Variants in UPF2 observed in about 807,000 individuals in gnomAD.
The protein encoded by UPF2 is UPF2 regulator of nonsense mediated mRNA decay, also known as regulator of nonsense transcripts 2.
UPF2 carries 17 observed loss-of-function variants against 141.4 expected under a neutral mutation model. The observed-to-expected ratio is 0.12, with a 90% CI of 0.08 to 0.18. UPF2 has a LOEUF of 0.18. Among genes scored for constraint, UPF2 ranks in the 10% least tolerant of loss-of-function variants. The pLI, the probability that UPF2 is intolerant of heterozygous loss-of-function variation, is 1.00. For missense variants in UPF2, 1,152 were observed against 1,515.9 expected (o/e 0.76, Z 3.99); for synonymous variants, 540 against 498.0 (o/e 1.08, Z -1.12).
Position 12,028,736 on chromosome 10 carries a change from G to GA in UPF2, c.1145+8dup, listed in dbSNP as rs763823069. The GA allele has an allele frequency of 3.2e-6, 5 of 1,559,466 alleles. No individual in the cohort carries two copies. Among genetic ancestry groups the GA allele is most frequent in the Non-Finnish European group, 4.3e-6 (5 of 1,157,134 alleles). ...AAATTCTCAACTCTGAGAAACATTTGAAAATCACCTGTTTTGTCTCTCAGT... is the reference window on the plus strand; with the variant it reads ...AAATTCTCAACTCTGAGAAACATTTGAAAAATCACCTGTTTTGTCTCTCAGT... On this transcript the variant is annotated intron_variant, in intron 3 of 21. Coordinates refer to ENST00000357604, the MANE Select transcript of UPF2 (RefSeq NM_015542.4).
chr10:11,979,128 T>C lies in UPF2; in HGVS notation c.1882A>G (p.Thr628Ala), dbSNP rs1441379108. Reference sequence around the variant, plus strand: ...ACATCAGACATGCAGGGATGCAATGTAGCAACCAATCTTGCATAAAATGGT... The same window carrying C: ...ACATCAGACATGCAGGGATGCAATGCAGCAACCAATCTTGCATAAAATGGT... Reference protein sequence around the residue: ...LLPFYARLVATLHPCMSDVAE... With the variant: ...LLPFYARLVAALHPCMSDVAE... Residue 628 changes from threonine (T) to alanine (A), a missense_variant, in exon 9 of 22, where the codon ACA becomes GCA. Thr to Ala is a moderately conservative substitution (Grantham distance 58). Transcript: ENST00000357604. This position sits in a 1 kb window ranked among gnomAD's most constrained non-coding sequence, Gnocchi z 6.2. The C allele has an allele frequency of 4.3e-6, 7 of 1,613,538 alleles. No homozygotes were observed. Among genetic ancestry groups the C allele is most frequent in the South Asian group, 3.3e-5 (3 of 90,978 alleles).
intron 16 of UPF2, among the ~76,000 whole-genome samples, chr10:11,943,896 C>T (rs562488059): frequency 2.0e-5 from 3 of 151,436 alleles, no homozygotes; most frequent in African/African-American, 7.3e-5. Flanking sequence ...GGCAGAGCAC[C>T]GAGAGATTTT....
In UPF2 at chr10:11,953,052, T is replaced by C. The variant is rs1023401677; in HGVS notation, c.2851-803A>G. ...CAACAAGCATTTATTGAATATCTAC[T>C]GTGTATATGGCATGGTGTGGATATT... On this transcript the variant is annotated intron_variant, in intron 14 of 21. Transcript: ENST00000357604. This position sits in a 1 kb window ranked among gnomAD's most constrained non-coding sequence, Gnocchi z 5.0. 1.3e-5 allele frequency among the ~76,000 whole-genome samples: 2 copies of C among 152,254 alleles called. No homozygotes were observed. Among genetic ancestry groups the C allele is most frequent in the Non-Finnish European group, 2.9e-5 (2 of 68,042 alleles).
chr10:12,006,247 C>T (rs1834033195), intron 4 of UPF2, among the ~76,000 whole-genome samples: 1 of 152,190 alleles, frequency 6.6e-6, no homozygotes, highest in Non-Finnish European at 1.5e-5. Context: ...AAAGATGAAG[C>T]GTACAGATCT....
chr10:12,033,881 C>T (rs983666511), intron 2 of UPF2, among the ~76,000 whole-genome samples: 1 of 152,074 alleles, frequency 6.6e-6, no homozygotes, highest in East Asian at 1.9e-4. Flanking sequence ...AGAGCTTATG[C>T]TATTCAACAG....
intron 9 of UPF2, among the ~76,000 whole-genome samples, chr10:11,975,761 C>T (rs1020201963): frequency 3.3e-5 from 5 of 152,118 alleles, no homozygotes; most frequent in African/African-American, 9.7e-5. Context: ...CGGTAATCCA[C>T]CCGCCTTGGC....
At chr10:11,978,515 C>G (rs966451710) in intron 9 of UPF2, among the ~76,000 whole-genome samples, 6 of 152,150 alleles carry the variant, frequency 3.9e-5, no homozygotes, top group Non-Finnish European at 8.8e-5. Flanking sequence ...GGGAAGCCAT[C>G]TGGTAACAGG....
intron 8 of UPF2, among the ~76,000 whole-genome samples, chr10:11,993,049 C>T (rs11257466): frequency 0.064 from 9,454 of 147,742 alleles, 550 homozygotes; most frequent in East Asian, 0.26. Flanking sequence ...ACATGTGAGG[C>T]TTAGGTGGGA....
intron 21 of UPF2, among the ~76,000 whole-genome samples, chr10:11,922,178 GA>G (rs1288968445): frequency 6.6e-6 from 1 of 152,128 alleles, no homozygotes; most frequent in African/African-American, 2.4e-5. Flanking sequence ...GCCTCAGAAG[GA>G]ACCAGCCCCG....
chr10:12,009,316 G>C (rs558153735), intron 4 of UPF2, among the ~76,000 whole-genome samples: 76 of 152,142 alleles, frequency 5.0e-4, no homozygotes, highest in Middle Eastern at 6.8e-3. Context: ...CAGAGGACAA[G>C]TAAATTACAG....
intron 6 of UPF2, among the ~76,000 whole-genome samples, chr10:12,001,349 A>G (rs926490111): frequency 2.0e-5 from 3 of 152,046 alleles, no homozygotes; most frequent in Non-Finnish European, 4.4e-5. Context: ...AGGAGGCAGA[A>G]GTTGCAGTGA....
intron 7 of UPF2, among the ~76,000 whole-genome samples, chr10:11,999,203 C>G (rs1282458645): frequency 6.6e-6 from 1 of 150,536 alleles, no homozygotes; most frequent in African/African-American, 2.4e-5. Context: ...TTGCAAATGT[C>G]AAAACAATAA....
intron 8 of UPF2, among the ~76,000 whole-genome samples, chr10:11,990,254 C>T (rs1161154304): frequency 1.3e-5 from 2 of 152,136 alleles, no homozygotes; most frequent in East Asian, 3.9e-4. Context: ...GACCACTTAT[C>T]CTCAAGTTCT....
intron 9 of UPF2, among the ~76,000 whole-genome samples, chr10:11,973,466 A>G (rs138950548): frequency 0.014 from 2,178 of 152,272 alleles, 19 homozygotes; most frequent in Middle Eastern, 0.037. Context: ...GTCCATGCCT[A>G]TGTCTTGAAA....
chr10:11,994,833 G>A (rs12416058), intron 8 of UPF2, among the ~76,000 whole-genome samples: 8,304 of 151,726 alleles, frequency 0.055, 289 homozygotes, highest in Non-Finnish European at 0.08. Flanking sequence ...AAAATTAGCC[G>A]GGCGTGGTGG....
At chr10:11,961,463 G>A (rs1169691567) in intron 11 of UPF2, among the ~76,000 whole-genome samples, 1 of 151,862 alleles carries the variant, frequency 6.6e-6, no homozygotes, top group African/African-American at 2.4e-5. Flanking sequence ...TATGTGGCAC[G>A]AACAGAAGGC....
chr10:11,986,927 G>T (rs1316113827), intron 8 of UPF2, among the ~76,000 whole-genome samples: 1 of 152,190 alleles, frequency 6.6e-6, no homozygotes, highest in Non-Finnish European at 1.5e-5. Context: ...GGGAAAAGCT[G>T]TTCAAGAATC....
intron 4 of UPF2, among the ~76,000 whole-genome samples, chr10:12,007,782 G>C (rs1201080204): frequency 1.3e-5 from 2 of 150,998 alleles, no homozygotes. Context: ...AGTGAGCTGT[G>C]AACGCGCCAC....
intron 10 of UPF2, among the ~76,000 whole-genome samples, chr10:11,965,874 T>C (rs775369713): frequency 6.6e-6 from 1 of 152,208 alleles, no homozygotes; most frequent in Non-Finnish European, 1.5e-5. Flanking sequence ...TTTTGTGTGA[T>C]ATATCTATTA....
Sources: allele counts gnomAD v4.1 joint callset (sites outside exome capture counted in the v4.1 genomes callset), GRCh38; gene constraint gnomAD v4.1.1; non-coding constraint Gnocchi (gnomAD v3.1); transcripts MANE v1.5; gene names NCBI Gene and HGNC (gene_info 2026-07-23, HGNC 2026-07-21).